Variants in DZIP3 observed in about 807,000 individuals in gnomAD.
DZIP3 encodes the protein E3 ubiquitin-protein ligase DZIP3.
A neutral mutation model predicts 162.0 loss-of-function variants in DZIP3; 118 were observed. The ratio of observed to expected loss-of-function variants is 0.73; its 90% CI spans 0.63 to 0.85. The LOEUF (loss-of-function observed/expected upper bound fraction) is 0.85. Ranked by LOEUF, DZIP3 falls within the 40% of genes least tolerant of loss-of-function variation. The pLI is 0.00. For missense variants in DZIP3, 1,331 were observed against 1,407.0 expected (o/e 0.95, Z 0.86); for synonymous variants, 438 against 458.6 (o/e 0.96, Z 0.57).
intron 21 of DZIP3, 41 bp downstream of exon 21, chr3:108,662,298 A>T (rs751010338): frequency 7.7e-6 from 12 of 1,550,760 alleles, no homozygotes; most frequent in Non-Finnish European, 8.6e-7. Flanking sequence ...TCTGCGCCGT[A>T]ATAAACAGTA....
At position 108,688,934 on chromosome 3, in the gene DZIP3, T is replaced by C; in HGVS notation, c.3516+10T>C. On this transcript the variant is annotated intron_variant, in intron 31 of 32. Coordinates refer to ENST00000361582, the MANE Select transcript of DZIP3 (RefSeq NM_014648.4). ...CAAATTCCATGCTCAGGTAACACTT[T>C]AAATTTTCCCATTAATCAGCTAAAT... 1 of 1,612,426 alleles carries C rather than the reference T, an allele frequency of 6.2e-7. No individual in the cohort carries two copies. The highest frequency in any genetic ancestry group is 8.5e-7 in the Non-Finnish European group (1 of 1,178,532).
chr3:108,681,983 C>T (rs1419613652), intron 26 of DZIP3, among the ~76,000 whole-genome samples: 1 of 150,102 alleles, frequency 6.7e-6, no homozygotes, highest in Non-Finnish European at 1.5e-5. Flanking sequence ...ATGTAGATGA[C>T]GGGTTGATGG....
chr3:108,635,344 CAG>C (rs374505203), intron 10 of DZIP3: 2 of 298,400 alleles, frequency 6.7e-6, no homozygotes, highest in African/African-American at 2.3e-5. Flanking sequence ...AGTAAAAACA[CAG>C]AAAGGATAAT....
chr3:108,607,949 G>T, intron 2 of DZIP3, 140 bp from the exon 3 acceptor site: 1 of 701,224 alleles, frequency 1.4e-6, no homozygotes. Flanking sequence ...AAGAGATATG[G>T]CACCTACCAC....
At chr3:108,593,510 A>G (rs184794424) in intron 1 of DZIP3, among the ~76,000 whole-genome samples, 1 of 152,270 alleles carries the variant, frequency 6.6e-6, no homozygotes, top group East Asian at 1.9e-4. Flanking sequence ...TTACCATTGA[A>G]AAAGAAATTG....
chr3:108,684,031 T>A (rs892241801), intron 26 of DZIP3, among the ~76,000 whole-genome samples, 185 bp from the exon 27 acceptor site: 1 of 146,540 alleles, frequency 6.8e-6, no homozygotes, highest in Non-Finnish European at 1.5e-5. Flanking sequence ...TCATTGCCCT[T>A]TGTTTTTCCA....
intron 1 of DZIP3, among the ~76,000 whole-genome samples, chr3:108,594,407 C>A (rs1939596321): frequency 8.0e-6 from 1 of 125,524 alleles, no homozygotes; most frequent in African/African-American, 3.0e-5. Flanking sequence ...CTCTCTCTCC[C>A]CCCTCCCCTC....
At chr3:108,600,184 T>G (rs995081635) in intron 1 of DZIP3, among the ~76,000 whole-genome samples, 1 of 152,192 alleles carries the variant, frequency 6.6e-6, no homozygotes, top group Non-Finnish European at 1.5e-5. Context: ...GCAGAAATGA[T>G]AACTAGCAGT....
At chr3:108,659,458 C>A (rs1202034198) in intron 19 of DZIP3, among the ~76,000 whole-genome samples, 1 of 152,184 alleles carries the variant, frequency 6.6e-6, no homozygotes, top group Non-Finnish European at 1.5e-5. Flanking sequence ...TAAAAACTCT[C>A]AATAAATTAG....
chr3:108,677,560 G>T lies in DZIP3; in HGVS notation c.2845G>T (p.Val949Phe), dbSNP rs1442227680. The part of the protein sequence containing the change: ...QGFALSTLPP[V>F]QLPPPPPSPE... ...ATTTGCCTTGAGTACCTTGCCTCCAGTCCAGCTTCCTCCTCCACCACCCAG... is the reference window on the plus strand; with the variant it reads ...ATTTGCCTTGAGTACCTTGCCTCCATTCCAGCTTCCTCCTCCACCACCCAG... Residue 949 changes from valine to phenylalanine, a missense_variant, in exon 26 of 33, where the codon GTC (valine) becomes TTC (phenylalanine). Around this residue, in one of 2 missense-constraint regions of DZIP3, gnomAD observed 1,278 missense variants for 1,317.1 expected, o/e 0.97. Transcript: ENST00000361582. The T allele has an allele frequency of 6.2e-7, 1 of 1,612,688 alleles. No homozygotes were observed. Among genetic ancestry groups the T allele is most frequent in the Non-Finnish European group, 8.5e-7 (1 of 1,179,050 alleles).
chr3:108,601,921 A>T (rs1331407116), intron 1 of DZIP3, among the ~76,000 whole-genome samples: 1 of 152,162 alleles, frequency 6.6e-6, no homozygotes, highest in Admixed American at 6.6e-5. Context: ...CTTCCCTGCT[A>T]TATAAACCCC....
intron 12 of DZIP3, 149 bp downstream of exon 12, chr3:108,637,697 C>T: frequency 5.4e-6 from 3 of 553,422 alleles, no homozygotes; most frequent in South Asian, 3.0e-5. Context: ...CATTTCTTTC[C>T]CTCTCTATCA....
intron 1 of DZIP3, among the ~76,000 whole-genome samples, chr3:108,600,446 G>C (rs1207490903): frequency 6.6e-6 from 1 of 152,038 alleles, no homozygotes; most frequent in South Asian, 2.1e-4. Flanking sequence ...GCAGTTTAAA[G>C]ACTAAAGTAG....
chr3:108,667,779 G>A (rs765382428), intron 21 of DZIP3, among the ~76,000 whole-genome samples: 9 of 152,112 alleles, frequency 5.9e-5, no homozygotes, highest in Non-Finnish European at 1.2e-4. Context: ...ATACTTAGTG[G>A]AAATTTTGTA....
At chr3:108,596,696 G>A (rs1014303353) in intron 1 of DZIP3, among the ~76,000 whole-genome samples, 1 of 152,192 alleles carries the variant, frequency 6.6e-6, no homozygotes, top group Non-Finnish European at 1.5e-5. Flanking sequence ...CTTGAGGTGT[G>A]CAGAAGGGTG....
chr3:108,601,351 G>A (rs1211404977), intron 1 of DZIP3, among the ~76,000 whole-genome samples: 1 of 152,068 alleles, frequency 6.6e-6, no homozygotes, highest in Non-Finnish European at 1.5e-5. Context: ...AAATGCATAG[G>A]AAAACTTCCC....
chr3:108,663,123 C>T (rs1243870078), intron 21 of DZIP3, among the ~76,000 whole-genome samples: 1 of 152,116 alleles, frequency 6.6e-6, no homozygotes, highest in Non-Finnish European at 1.5e-5. Context: ...GAACTAGGTG[C>T]CATAGTTCTG....
intron 19 of DZIP3, among the ~76,000 whole-genome samples, chr3:108,655,970 C>T (rs1455595695): frequency 1.3e-5 from 2 of 152,190 alleles, no homozygotes; most frequent in African/African-American, 4.8e-5. Flanking sequence ...ATTGCCAAGG[C>T]TTGAGTAGGT....
chr3:108,592,150 A>G (rs1287541952), intron 1 of DZIP3, among the ~76,000 whole-genome samples: 1 of 152,100 alleles, frequency 6.6e-6, no homozygotes, highest in East Asian at 1.9e-4. Flanking sequence ...ATGAACTATG[A>G]TTTTGGGGAG....
Sources: allele counts gnomAD v4.1 joint callset (sites outside exome capture counted in the v4.1 genomes callset), GRCh38; gene constraint gnomAD v4.1.1; regional missense constraint gnomAD v4.1.1; transcripts MANE v1.5; gene names NCBI Gene and HGNC (gene_info 2026-07-23, HGNC 2026-07-21).